The following NSD3 variants were observed in gnomAD, a reference collection of about 807,000 sequenced individuals.
The protein encoded by NSD3 is nuclear receptor binding SET domain protein 3, also known as histone-lysine N-methyltransferase NSD3.
A neutral mutation model predicts 160.8 loss-of-function variants in NSD3; 24 were observed. The observed-to-expected ratio is 0.15, with a 90% CI of 0.11 to 0.21. The LOEUF (loss-of-function observed/expected upper bound fraction) is 0.21, where lower values mean the gene tolerates loss of function less well. Ranked by LOEUF, NSD3 falls within the 10% of genes least tolerant of loss-of-function variation. NSD3 has a pLI of 1.00. For missense variants in NSD3, 1,157 were observed against 1,735.9 expected (o/e 0.67, Z 5.93); for synonymous variants, 520 against 600.0 (o/e 0.87, Z 1.95).
In NSD3 at chr8:38,321,297, A is replaced by T; in HGVS notation, c.1709-125T>A. On this transcript the variant is annotated intron_variant, in intron 7 of 23. Transcript: ENST00000317025. This position sits in a 1 kb window ranked among gnomAD's most constrained non-coding sequence, Gnocchi z 4.7. ...TACTTTTGGAATTTTAATTAAAATC[A>T]TTAAAAAATGCTAAACATTCAGGAG... 1 of 687,182 alleles carries T rather than the reference A, an allele frequency of 1.5e-6. No individual in the cohort carries two copies. Among genetic ancestry groups the T allele is most frequent in the Non-Finnish European group, 2.3e-6 (1 of 427,092 alleles). 42.6% of individuals were successfully genotyped at this position (687,182 alleles called of 1,614,324 possible).
intron 15 of NSD3, among the ~76,000 whole-genome samples, chr8:38,298,468 CA>C (rs2131003460): frequency 6.6e-6 from 1 of 151,754 alleles, no homozygotes; most frequent in Non-Finnish European, 1.5e-5. Context: ...TGACAAAGAG[CA>C]AAGATACATC....
chr8:38,315,941 A>G lies in NSD3; in HGVS notation c.1957T>C (p.Ser653Pro). Residue 653 changes from serine to proline, a missense_variant, in exon 10 of 24, where the codon TCC becomes CCC. This residue lies in a region of NSD3 where 437 missense variants were observed against 576.6 expected (regional missense o/e 0.76). Coordinates refer to ENST00000317025, the MANE Select transcript of NSD3 (RefSeq NM_023034.2). ...TSSAYRDTSDSDSRGLSDLQV... is the reference protein window; with the variant it reads ...TSSAYRDTSDPDSRGLSDLQV... ...AGGTCACTCAGTCCTCTAGAATCGGAGTCAGATGTGTCTCTGTATGCTGAA... is the reference window on the plus strand; with the variant it reads ...AGGTCACTCAGTCCTCTAGAATCGGGGTCAGATGTGTCTCTGTATGCTGAA... 1 of 1,613,868 alleles carries G rather than the reference A, an allele frequency of 6.2e-7. No individual in the cohort carries two copies. Among genetic ancestry groups the G allele is most frequent in the Non-Finnish European group, 8.5e-7 (1 of 1,179,982 alleles).
chr8:38,374,768 G>A lies in NSD3; in HGVS notation c.-45+7031C>T, dbSNP rs150785726. On this transcript the variant is annotated intron_variant, in intron 1 of 23. Transcript: ENST00000317025. ...GCCTGTAATCCCAGGACTTTGGGAGGCCGAGGTGGATGGATCACGAGGTCA... is the reference window on the plus strand; with the variant it reads ...GCCTGTAATCCCAGGACTTTGGGAGACCGAGGTGGATGGATCACGAGGTCA... Among the ~76,000 whole-genome samples the A allele has an allele frequency of 2.0e-3, 305 of 152,254 alleles. 9 individuals are homozygous for A. In the East Asian group the frequency reaches 0.052, roughly 26 times the overall value.
Position 38,289,490 on chromosome 8 carries a change from G to A in NSD3, c.3134C>T (p.Ala1045Val). ...TGCTTTCAATTCCTGGAAACGTTTT[G>A]CAGCTTCTTCCAGTGCTGCCAATAA... ...KTFKKALEEA[A>V]KRFQELKAQR... The change falls in exon 18 of 24, where the codon GCA (alanine) becomes GTA (valine). Residue 1045 changes from alanine to valine, a missense_variant. Physicochemically the swap from Ala to Val is moderately conservative, Grantham distance 64. Around this residue, in one of 10 missense-constraint regions of NSD3, gnomAD observed 437 missense variants for 576.6 expected, o/e 0.76. Transcript: ENST00000317025. The A allele has an allele frequency of 6.2e-7, 1 of 1,613,206 alleles. No homozygotes were observed. Among genetic ancestry groups the A allele is most frequent in the Non-Finnish European group, 8.5e-7 (1 of 1,179,740 alleles).
intron 1 of NSD3, among the ~76,000 whole-genome samples, chr8:38,354,162 A>G (rs1429406989): frequency 1.3e-5 from 2 of 152,158 alleles, no homozygotes; most frequent in Non-Finnish European, 2.9e-5. Flanking sequence ...CAAATCTCGC[A>G]TTTTCTTCCT....
chr8:38,319,692 T>G lies in NSD3; in HGVS notation c.1810-752A>C, dbSNP rs1809751674. On this transcript the variant is annotated intron_variant, in intron 8 of 23. Coordinates refer to ENST00000317025, the MANE Select transcript of NSD3 (RefSeq NM_023034.2). The surrounding 1 kb of genome is among the most constrained non-coding windows in gnomAD (Gnocchi z 4.1). ...TAAGCTATAAATTGAATTTCATGTT[T>G]CTTTAAGATGTGGTGAAATATGAAT... The G allele has an allele frequency of 6.6e-6, 1 of 152,212 alleles. No homozygotes were observed. The highest frequency in any genetic ancestry group is 6.5e-5 in the Admixed American group (1 of 15,284). 9.4% of individuals were successfully genotyped at this position (152,212 alleles called of 1,614,324 possible). A position where few individuals can be genotyped will look rare whatever the true frequency, so the allele number is the denominator to read the frequency against.
At chr8:38,331,370 T>C (rs1745465652) in intron 5 of NSD3, 61 bp downstream of exon 5, 1 of 1,432,084 alleles carries the variant, frequency 7.0e-7, no homozygotes, top group Admixed American at 2.8e-5. Flanking sequence ...TGAAAAATTC[T>C]TCTAAATTAT....
chr8:38,331,934 T>C lies in NSD3; in HGVS notation c.911-349A>G, dbSNP rs184878775. Among the ~76,000 whole-genome samples the C allele has an allele frequency of 7.1e-4, 108 of 152,224 alleles. 1 individual carries two copies. Among genetic ancestry groups the C allele is most frequent in the African/African-American group, 2.5e-3 (102 of 41,532 alleles). On this transcript the variant is annotated intron_variant, in intron 4 of 23. Coordinates refer to ENST00000317025, the MANE Select transcript of NSD3 (RefSeq NM_023034.2). ...ATAATTAATGATAGCATGTAAGGAGTTCTTGTTGTTAGAGACATGGTCTCA... is the reference window on the plus strand; with the variant it reads ...ATAATTAATGATAGCATGTAAGGAGCTCTTGTTGTTAGAGACATGGTCTCA...
At chr8:38,287,842 C>T (rs535387647) in intron 19 of NSD3, among the ~76,000 whole-genome samples, 19 of 152,086 alleles carry the variant, frequency 1.2e-4, no homozygotes, top group African/African-American at 3.9e-4. Flanking sequence ...TTAGTAGAGA[C>T]GGGGTTTCAC....
intron 23 of NSD3, 150 bp from the exon 24 acceptor site, chr8:38,276,032 G>A (rs1808592911): frequency 2.4e-6 from 2 of 829,992 alleles, no homozygotes; most frequent in Non-Finnish European, 3.7e-6. Flanking sequence ...ATAGATCTGG[G>A]TGTACAGTTT....
chr8:38,352,459 C>T (rs1451941613), intron 1 of NSD3, among the ~76,000 whole-genome samples: 3 of 152,166 alleles, frequency 2.0e-5, no homozygotes. Flanking sequence ...CACAACTCTG[C>T]AAGATAGGGA....
chr8:38,296,314 G>GT (rs1348921502), intron 15 of NSD3, among the ~76,000 whole-genome samples: 8 of 152,174 alleles, frequency 5.3e-5, no homozygotes, highest in Non-Finnish European at 1.0e-4. Context: ...TTTCAAACAT[G>GT]TAAGTAGCAA....
chr8:38,287,286 G>A (rs1478304788), intron 19 of NSD3, among the ~76,000 whole-genome samples: 2 of 152,020 alleles, frequency 1.3e-5, no homozygotes, highest in African/African-American at 2.4e-5. Flanking sequence ...TACTTATTGG[G>A]AAATAGGTTA....
chr8:38,370,899 T>C (rs1290878649), intron 1 of NSD3, among the ~76,000 whole-genome samples: 1 of 152,156 alleles, frequency 6.6e-6, no homozygotes, highest in Non-Finnish European at 1.5e-5. Context: ...ATCTTTTAAG[T>C]AATTCTACTT....
intron 1 of NSD3, among the ~76,000 whole-genome samples, chr8:38,364,333 A>C (rs1205226968): frequency 6.6e-6 from 1 of 151,388 alleles, no homozygotes; most frequent in African/African-American, 2.4e-5. Context: ...GCCCCATTAC[A>C]ACATAAATAG....
chr8:38,338,652 A>T, intron 2 of NSD3, 45 bp from the exon 3 acceptor site: 1 of 1,425,220 alleles, frequency 7.0e-7, no homozygotes, highest in South Asian at 1.2e-5. Flanking sequence ...GGCATTAAAT[A>T]AACAAACAAA....
chr8:38,309,985 TACTAA>T (rs909090984), intron 12 of NSD3, among the ~76,000 whole-genome samples: 5 of 152,202 alleles, frequency 3.3e-5, no homozygotes, highest in African/African-American at 4.8e-5. Context: ...ACCAAATAGG[TACTAA>T]ACTAATTTTC....
At chr8:38,314,069 G>A (rs1809599822) in intron 12 of NSD3, among the ~76,000 whole-genome samples, 3 of 152,130 alleles carry the variant, frequency 2.0e-5, no homozygotes, top group Admixed American at 2.0e-4. Context: ...AATTTGCCAT[G>A]TTGTGACAGA....
intron 2 of NSD3, among the ~76,000 whole-genome samples, chr8:38,347,283 T>C (rs537668988): frequency 6.9e-4 from 105 of 152,322 alleles, no homozygotes; most frequent in African/African-American, 2.5e-3. Flanking sequence ...AAAGATTCGT[T>C]TTACATGTTT....
Sources: gnomAD v4.1 joint callset for allele counts (sites outside exome capture counted in the v4.1 genomes callset) on GRCh38, gnomAD v4.1.1 for gene constraint, gnomAD v4.1.1 regional missense constraint, Gnocchi (gnomAD v3.1) non-coding constraint, MANE v1.5 for transcripts, NCBI Gene and HGNC (gene_info 2026-07-23, HGNC 2026-07-21) for gene names.